FUT8: variants seen among roughly 807,000 people sequenced by gnomAD.
The protein encoded by FUT8 is fucosyltransferase 8.
Under a neutral mutation model 71.3 loss-of-function variants are expected in FUT8, and 29 were observed. The ratio of observed to expected loss-of-function variants is 0.41; its 90% CI spans 0.30 to 0.55. The LOEUF is 0.55. Ranked by LOEUF, FUT8 falls within the 20% of genes least tolerant of loss-of-function variation. The pLI, the probability that FUT8 is intolerant of heterozygous loss-of-function variation, is 0.34. For missense variants in FUT8, 544 were observed against 702.1 expected (o/e 0.77, Z 2.55); for synonymous variants, 254 against 239.3 (o/e 1.06, Z -0.57).
At chr14:65,712,156 G>T (rs1338572446) in intron 7 of FUT8, among the ~76,000 whole-genome samples, 2 of 152,020 alleles carry the variant, frequency 1.3e-5, no homozygotes, top group Non-Finnish European at 2.9e-5. Context: ...ACATTTTATG[G>T]TAGTGAAATA....
chr14:65,724,258 A>T lies in FUT8; in HGVS notation c.1194A>T (p.Gln398His). Reference protein sequence around the residue: ...EHFQLLARRMQVDKKRVYLAT... With the variant: ...EHFQLLARRMHVDKKRVYLAT... ...TTCAGCTTCTTGCACGCAGAATGCA[A>T]GTGGACAAAAAAAGAGTGTATTTGG... The change falls in exon 9 of 11, where the codon CAA (glutamine) becomes CAT (histidine). Residue 398 changes from glutamine (Q) to histidine (H), a missense_variant. Transcript: ENST00000673929. 6.2e-7 allele frequency: 1 copy of T among 1,613,404 alleles called. No homozygotes were observed. Among genetic ancestry groups the T allele is most frequent in the Non-Finnish European group, 8.5e-7 (1 of 1,179,852 alleles).
chr14:65,540,392 G>C (rs1884605287), intron 2 of FUT8, among the ~76,000 whole-genome samples: 1 of 152,192 alleles, frequency 6.6e-6, no homozygotes, highest in Non-Finnish European at 1.5e-5. Context: ...CAGTGGCTCA[G>C]CTGGGAAGGC....
chr14:65,431,929 A>ATTC (rs2065483095), intron 1 of FUT8, among the ~76,000 whole-genome samples: 1 of 152,018 alleles, frequency 6.6e-6, no homozygotes, highest in Admixed American at 6.6e-5. Context: ...TATTATTATT[A>ATTC]TTTTTAAATA....
In FUT8 at chr14:65,561,750, A is replaced by G; in HGVS notation, c.187A>G (p.Met63Val). The change falls in exon 3 of 11, where the codon ATG (methionine) becomes GTG (valine). Residue 63 changes from methionine (M) to valine (V), a missense_variant. Transcript: ENST00000673929. Reference sequence around the variant, plus strand: ...ACAACAGAATGAAGACTTGAGGCGAATGGCCGAATCTCTCCGGTAGGTCCT... The same window carrying G: ...ACAACAGAATGAAGACTTGAGGCGAGTGGCCGAATCTCTCCGGTAGGTCCT... ...LKQQNEDLRR[M>V]AESLRIPEGP... The G allele has an allele frequency of 3.1e-6, 5 of 1,613,060 alleles. No homozygotes were observed. Among genetic ancestry groups the G allele is most frequent in the Non-Finnish European group, 4.2e-6 (5 of 1,179,254 alleles).
chr14:65,445,815 AAC>A (rs2065731055), intron 1 of FUT8, among the ~76,000 whole-genome samples: 1 of 152,224 alleles, frequency 6.6e-6, no homozygotes, highest in African/African-American at 2.4e-5. Flanking sequence ...AAAAAGTAGA[AAC>A]AGAGTCTCAC....
intron 2 of FUT8, among the ~76,000 whole-genome samples, chr14:65,475,558 G>GT (rs1459892105): frequency 6.6e-6 from 1 of 152,060 alleles, no homozygotes; most frequent in Admixed American, 6.5e-5. Context: ...GGGCAACATA[G>GT]TGAGACCCTG....
chr14:65,426,252 T>C (rs997639700), intron 1 of FUT8, among the ~76,000 whole-genome samples: 1 of 152,114 alleles, frequency 6.6e-6, no homozygotes, highest in Non-Finnish European at 1.5e-5. Context: ...CTTAGCCTAA[T>C]GTCCTTCGGG....
chr14:65,367,256 G>C, the FUT8 span, among the ~76,000 whole-genome samples: 1 of 152,070 alleles, frequency 6.6e-6, no homozygotes, highest in East Asian at 1.9e-4. Context: ...TTATGAGGAG[G>C]ATAAGAAAGT....
chr14:65,475,672 TTGAGGCTGCAG>T (rs927286334), intron 2 of FUT8, among the ~76,000 whole-genome samples: 35 of 151,354 alleles, frequency 2.3e-4, no homozygotes, highest in Admixed American at 9.2e-4. Context: ...GCTCAGGTAT[TTGAGGCTGCAG>T]TGAGGCTGCA....
At chr14:65,694,815 T>A (rs1052019289) in intron 7 of FUT8, among the ~76,000 whole-genome samples, 1 of 146,124 alleles carries the variant, frequency 6.8e-6, no homozygotes, top group Non-Finnish European at 1.5e-5. Flanking sequence ...ACACCGCATA[T>A]TCTCACTTAT....
intron 6 of FUT8, among the ~76,000 whole-genome samples, chr14:65,664,931 A>G (rs1192898839): frequency 6.6e-6 from 1 of 151,892 alleles, no homozygotes; most frequent in African/African-American, 2.4e-5. Flanking sequence ...TAATTTAGCA[A>G]TAGCTCATCC....
At position 65,642,031 on chromosome 14, in the gene FUT8, A is replaced by C. The variant is rs369510679; in HGVS notation, c.597+12425A>C. On this transcript the variant is annotated intron_variant, in intron 6 of 10. Coordinates refer to ENST00000673929, the MANE Select transcript of FUT8 (RefSeq NM_001371533.1). ...TGTCTTTTGAAAGGCAAAAGTTTTT[A>C]ATTTTGACAAAGTTCAGTTTATTAA... Among the ~76,000 whole-genome samples, 19 of 152,126 alleles carry C rather than the reference A, an allele frequency of 1.2e-4. 3 individuals carry two copies. Among genetic ancestry groups the C allele is most frequent in the African/African-American group, 4.3e-4 (18 of 41,526 alleles).
At chr14:65,408,176 C>T (rs1312237337), upstream of FUT8, among the ~76,000 whole-genome samples, 1 of 152,182 alleles carries the variant, frequency 6.6e-6, no homozygotes, top group Non-Finnish European at 1.5e-5. Flanking sequence ...AGGCAGGCTG[C>T]TCTACCTTGT....
the FUT8 span, among the ~76,000 whole-genome samples, chr14:65,398,663 G>A: frequency 6.6e-6 from 1 of 151,746 alleles, no homozygotes; most frequent in Non-Finnish European, 1.5e-5. Context: ...TTGAACCCAG[G>A]AGCTTGCAGT....
At chr14:65,506,992 A>G (rs2066746187) in intron 2 of FUT8, among the ~76,000 whole-genome samples, 3 of 152,192 alleles carry the variant, frequency 2.0e-5, no homozygotes, top group Non-Finnish European at 2.9e-5. Flanking sequence ...AGGGTTCTGT[A>G]AACAGTTGTG....
At chr14:65,430,825 A>G (rs952940398) in intron 1 of FUT8, among the ~76,000 whole-genome samples, 13 of 152,174 alleles carry the variant, frequency 8.5e-5, no homozygotes, top group African/African-American at 3.1e-4. Flanking sequence ...AGCTCTCTTT[A>G]AAAAAGGGAT....
intron 3 of FUT8, among the ~76,000 whole-genome samples, chr14:65,613,507 T>C (rs1594818396): frequency 1.3e-5 from 2 of 152,216 alleles, no homozygotes; most frequent in East Asian, 3.8e-4. Context: ...TGCACCTAAC[T>C]ACTGTATTCA....
At chr14:65,689,069 G>A (rs904732417) in intron 7 of FUT8, among the ~76,000 whole-genome samples, 2 of 152,178 alleles carry the variant, frequency 1.3e-5, no homozygotes, top group Non-Finnish European at 2.9e-5. Flanking sequence ...GAGGGGAGAG[G>A]AGGGACTCAA....
chr14:65,669,370 T>C lies in FUT8; in HGVS notation c.725T>C (p.Ile242Thr), dbSNP rs2140372008. 1 of 1,613,848 alleles carries C rather than the reference T, an allele frequency of 6.2e-7. No homozygotes were observed. The highest frequency in any genetic ancestry group is 8.5e-7 in the Non-Finnish European group (1 of 1,179,850). The change falls in exon 7 of 11, where the codon ATC becomes ACC. Residue 242 changes from isoleucine to threonine, a missense_variant. By Grantham distance (89) the Ile-to-Thr change is moderately conservative. Transcript: ENST00000673929. The surrounding 1 kb of genome is among the most constrained non-coding windows in gnomAD (Gnocchi z 4.5). Reference protein sequence around the residue: ...MIAYGTQRTLILESQNWRYAT... With the variant: ...MIAYGTQRTLTLESQNWRYAT... ...GCATATGGCACCCAGCGAACACTCA[T>C]CTTGGAATCTCAGAATTGGCGCTAT...
Sources: allele counts gnomAD v4.1 joint callset (sites outside exome capture counted in the v4.1 genomes callset), GRCh38; gene constraint gnomAD v4.1.1; non-coding constraint Gnocchi (gnomAD v3.1); transcripts MANE v1.5; gene names NCBI Gene and HGNC (gene_info 2026-07-23, HGNC 2026-07-21).